Variants in PPM1L observed in about 807,000 individuals in gnomAD.
PPM1L encodes the protein protein phosphatase, Mg2+/Mn2+ dependent 1L.
In PPM1L, 13 loss-of-function variants were observed where a neutral mutation model predicts 31.4. That is an observed-to-expected ratio of 0.41 (90% CI 0.27 to 0.66). The LOEUF is 0.66. PPM1L is among the 30% of genes least tolerant of loss of function. PPM1L has a pLI of 0.29. For missense variants in PPM1L, 326 were observed against 453.7 expected, an observed-to-expected ratio of 0.72 and a Z score of 2.56; for synonymous variants, 184 against 175.4, an observed-to-expected ratio of 1.05 and a Z score of -0.39.
intron 1 of PPM1L, among the ~76,000 whole-genome samples, chr3:160,897,476 C>CA (rs1340716346): frequency 6.6e-6 from 1 of 152,182 alleles, no homozygotes; most frequent in Non-Finnish European, 1.5e-5. Context: ...AAGTGGTTCA[C>CA]ATTAGTTCGT....
At chr3:160,927,728 A>G (rs1714651738) in intron 1 of PPM1L, among the ~76,000 whole-genome samples, 1 of 152,202 alleles carries the variant, frequency 6.6e-6, no homozygotes, top group African/African-American at 2.4e-5. Flanking sequence ...AGCTGGTCGA[A>G]CGAAACTTGT....
intron 1 of PPM1L, among the ~76,000 whole-genome samples, chr3:160,868,613 A>T (rs1166544057): frequency 6.6e-6 from 1 of 152,164 alleles, no homozygotes; most frequent in East Asian, 1.9e-4. Flanking sequence ...TTTCCACCTA[A>T]AACCTAGTCT....
intron 2 of PPM1L, among the ~76,000 whole-genome samples, chr3:160,973,456 T>G (rs1716422599): frequency 1.3e-5 from 2 of 152,216 alleles, no homozygotes; most frequent in African/African-American, 4.8e-5. Context: ...AAACAAGATT[T>G]TATAGACCTT....
intron 2 of PPM1L, among the ~76,000 whole-genome samples, chr3:161,000,391 C>A (rs558845067): frequency 1.3e-5 from 2 of 152,270 alleles, no homozygotes; most frequent in East Asian, 3.9e-4. Context: ...GAATGTGATC[C>A]AGCAGAGAAG....
At chr3:161,057,951 T>C (rs1174072271) in intron 2 of PPM1L, among the ~76,000 whole-genome samples, 1 of 151,778 alleles carries the variant, frequency 6.6e-6, no homozygotes, top group African/African-American at 2.4e-5. Context: ...CCTGAAAGCA[T>C]TGGAGTTTGC....
At chr3:160,783,152 G>A (rs1711796422) in intron 1 of PPM1L, among the ~76,000 whole-genome samples, 1 of 152,126 alleles carries the variant, frequency 6.6e-6, no homozygotes, top group Admixed American at 6.5e-5. Context: ...TTATAGAAAG[G>A]CTTCAGGACC....
chr3:160,982,801 G>A (rs901849882), intron 2 of PPM1L, among the ~76,000 whole-genome samples: 3 of 152,066 alleles, frequency 2.0e-5, no homozygotes, highest in Non-Finnish European at 4.4e-5. Context: ...CTGATTCTCT[G>A]TTCCTAAAGA....
At chr3:161,065,749 T>C (rs948246314) in intron 3 of PPM1L, among the ~76,000 whole-genome samples, 185 bp downstream of exon 3, 5 of 152,182 alleles carry the variant, frequency 3.3e-5, no homozygotes, top group East Asian at 1.9e-4. Context: ...TCTTCCTTCA[T>C]AGCCAAAGAT....
At chr3:161,007,615 A>G (rs1158580888) in intron 2 of PPM1L, among the ~76,000 whole-genome samples, 1 of 152,208 alleles carries the variant, frequency 6.6e-6, no homozygotes. Context: ...ACAAATTCGT[A>G]AACTTTCTTA....
chr3:160,995,178 T>C (rs1029520708), intron 2 of PPM1L, among the ~76,000 whole-genome samples: 8 of 152,224 alleles, frequency 5.3e-5, no homozygotes, highest in African/African-American at 1.9e-4. Context: ...CTCTTTGAAG[T>C]GGCTTAGGGA....
At chr3:160,893,424 A>G (rs2108047933) in intron 1 of PPM1L, among the ~76,000 whole-genome samples, 1 of 152,308 alleles carries the variant, frequency 6.6e-6, no homozygotes, top group Middle Eastern at 3.4e-3. Flanking sequence ...GTTTAACAAT[A>G]TCCCTGGGAC....
chr3:160,886,769 A>T (rs1712931451), intron 1 of PPM1L, among the ~76,000 whole-genome samples: 1 of 152,164 alleles, frequency 6.6e-6, no homozygotes, highest in Non-Finnish European at 1.5e-5. Context: ...ATCAACAAAA[A>T]AACGCAGAAA....
chr3:160,779,578 A>G (rs1711675655), intron 1 of PPM1L, among the ~76,000 whole-genome samples: 1 of 151,950 alleles, frequency 6.6e-6, no homozygotes, highest in South Asian at 2.1e-4. Context: ...GCTGGAGTGC[A>G]GTGGCACCAT....
At position 160,945,018 on chromosome 3, in the gene PPM1L, A is replaced by G. The variant is rs368086266; in HGVS notation, c.400-16718A>G. Among the ~76,000 whole-genome samples the G allele has an allele frequency of 4.1e-3, 46 of 11,248 alleles. 6 individuals are homozygous for G. Among genetic ancestry groups the G allele is most frequent in the Non-Finnish European group, 0.012 (29 of 2,500 alleles). The allele number at this position is 11,248 out of a possible 152,430, so 7.4% of individuals were successfully genotyped here. On this transcript the variant is annotated intron_variant, in intron 1 of 3. Transcript: ENST00000498165. ...ATATATAACTATATATAACATATAT[A>G]TTATATATAACTATATATAACATAT...
intron 1 of PPM1L, among the ~76,000 whole-genome samples, chr3:160,957,525 G>A (rs1715812856): frequency 1.3e-5 from 2 of 150,418 alleles, no homozygotes; most frequent in African/African-American, 4.9e-5. Flanking sequence ...CACCAGCAGT[G>A]TAAAAGTCTT....
chr3:161,026,750 G>A (rs550917444), intron 2 of PPM1L, among the ~76,000 whole-genome samples: 2 of 152,054 alleles, frequency 1.3e-5, no homozygotes, highest in South Asian at 4.2e-4. Flanking sequence ...TTGGTGTCTT[G>A]TGCAGGGGAA....
intron 1 of PPM1L, among the ~76,000 whole-genome samples, chr3:160,809,329 C>T (rs565999456): frequency 1.8e-4 from 28 of 152,200 alleles, no homozygotes; most frequent in Middle Eastern, 6.8e-3. Context: ...AAAAAAATTC[C>T]CATCCCTACC....
intron 1 of PPM1L, among the ~76,000 whole-genome samples, chr3:160,790,956 G>A (rs760383160): frequency 6.6e-6 from 1 of 152,148 alleles, no homozygotes; most frequent in African/African-American, 2.4e-5. Flanking sequence ...GGTTGTATTT[G>A]TACAGTGTTC....
At chr3:160,915,503 C>A (rs2108066488) in intron 1 of PPM1L, among the ~76,000 whole-genome samples, 1 of 152,072 alleles carries the variant, frequency 6.6e-6, no homozygotes, top group East Asian at 1.9e-4. Context: ...TTTATAGATT[C>A]AATGCCATCC....
Sources: gnomAD v4.1 joint callset for allele counts (sites outside exome capture counted in the v4.1 genomes callset) on GRCh38, gnomAD v4.1.1 for gene constraint, MANE v1.5 for transcripts, NCBI Gene and HGNC (gene_info 2026-07-23, HGNC 2026-07-21) for gene names.